Variants in SH3RF2 observed in about 807,000 individuals in gnomAD.
SH3RF2 encodes SH3 domain containing ring finger 2, also known as E3 ubiquitin-protein ligase SH3RF2.
In SH3RF2, 43 loss-of-function variants were observed where a neutral mutation model predicts 59.0. The observed-to-expected ratio is 0.73, with a 90% CI of 0.57 to 0.94. SH3RF2 has a LOEUF of 0.94. Ranked by LOEUF, SH3RF2 falls within the 40% of genes least tolerant of loss-of-function variation. SH3RF2 has a pLI of 0.00. For synonymous variants in SH3RF2, 391 were observed against 391.5 expected (o/e 1.00, Z 0.01); for missense variants, 930 against 940.1 (o/e 0.99, Z 0.14).
intron 5 of SH3RF2, among the ~76,000 whole-genome samples, chr5:146,037,317 C>T (rs904586864): frequency 6.6e-6 from 1 of 152,134 alleles, no homozygotes; most frequent in Non-Finnish European, 1.5e-5. Flanking sequence ...AGCTCAAACC[C>T]ACATCAGACA....
At chr5:145,970,971 G>C (rs562546811) in intron 2 of SH3RF2, among the ~76,000 whole-genome samples, 1 of 152,256 alleles carries the variant, frequency 6.6e-6, no homozygotes, top group African/African-American at 2.4e-5. Context: ...ATGAAACTTT[G>C]AGTCATTTGG....
chr5:146,001,168 C>T (rs1205341894), intron 3 of SH3RF2, among the ~76,000 whole-genome samples: 1 of 152,182 alleles, frequency 6.6e-6, no homozygotes, highest in Non-Finnish European at 1.5e-5. Flanking sequence ...CAATTAATGA[C>T]AGTTGTACTA....
intron 7 of SH3RF2, among the ~76,000 whole-genome samples, chr5:146,055,365 G>A (rs1449228486): frequency 6.6e-6 from 1 of 152,172 alleles, no homozygotes; most frequent in Non-Finnish European, 1.5e-5. Context: ...CTAGCTTAGA[G>A]GACTATTGTA....
rs1158788041 is a variant in SH3RF2, at chr5:146,000,341, T to G, written c.648+14T>G. 1 of 1,609,888 alleles carries G rather than the reference T, an allele frequency of 6.2e-7. No individual in the cohort carries two copies. Among genetic ancestry groups the G allele is most frequent in the Non-Finnish European group, 8.5e-7 (1 of 1,178,744 alleles). ...ACCTTCCTCAAGGTAGGATTCTGGGTGGCCACCAGAGTCACCTGGGACCAC... is the reference window on the plus strand; with the variant it reads ...ACCTTCCTCAAGGTAGGATTCTGGGGGGCCACCAGAGTCACCTGGGACCAC... On this transcript the variant is annotated intron_variant, in intron 3 of 9. Coordinates refer to ENST00000359120, the MANE Select transcript of SH3RF2 (RefSeq NM_152550.4).
At position 145,947,153 on chromosome 5, in the gene SH3RF2, C is replaced by CATATATAT. The variant is rs10630349; in HGVS notation, c.378+8858_378+8865dup. 4.8e-5 allele frequency among the ~76,000 whole-genome samples: 7 copies of CATATATAT among 145,814 alleles called. No homozygotes were observed. The South Asian group carries it at 1.5e-3, about 32-fold the overall frequency. On this transcript the variant is annotated intron_variant, in intron 2 of 9. Transcript: ENST00000359120. Reference sequence around the variant, plus strand: ...AATAACTTTCCATTCTGTCCTCTCCCATATATATATATATATATTTAAAAT... The same window carrying CATATATAT: ...AATAACTTTCCATTCTGTCCTCTCCCATATATATATATATATATATATATATTTAAAAT...
At chr5:145,986,872 C>T (rs1187466496) in intron 2 of SH3RF2, among the ~76,000 whole-genome samples, 1 of 152,158 alleles carries the variant, frequency 6.6e-6, no homozygotes. Context: ...CTTTCTCTGC[C>T]CAGGTGATGT....
At chr5:145,937,525 C>T (rs1157309473) in intron 1 of SH3RF2, among the ~76,000 whole-genome samples, 2 of 152,142 alleles carry the variant, frequency 1.3e-5, no homozygotes, top group Non-Finnish European at 2.9e-5. Flanking sequence ...CCTCTTCCCG[C>T]CCTGGCTGGT....
intron 5 of SH3RF2, among the ~76,000 whole-genome samples, chr5:146,031,229 C>G (rs1761732002): frequency 6.6e-6 from 1 of 152,166 alleles, no homozygotes; most frequent in African/African-American, 2.4e-5. Flanking sequence ...TGGAATTTAC[C>G]TAAGCGTACC....
intron 5 of SH3RF2, among the ~76,000 whole-genome samples, chr5:146,042,869 G>A (rs939461759): frequency 6.6e-6 from 1 of 152,108 alleles, no homozygotes; most frequent in Non-Finnish European, 1.5e-5. Flanking sequence ...CACCACACCC[G>A]CACACCCTTA....
In SH3RF2 at chr5:146,060,023, G is replaced by A. The variant is rs961530102; in HGVS notation, c.1713G>A (p.Gly571=). The A allele has an allele frequency of 5.6e-6, 9 of 1,610,150 alleles. No homozygotes were observed. The highest frequency in any genetic ancestry group is 6.8e-6 in the Non-Finnish European group (8 of 1,178,116). The change falls in exon 9 of 10, where the codon GGG becomes GGA. Residue 571 remains glycine (G), a synonymous_variant. Transcript: ENST00000359120. The stretch of plus-strand genomic sequence containing the variant: ...CCTCAGCCGTGGTGGTGGAGATGGG[G>A]TCCAAGCCTGCCCTCACGGGGGAGC... ...SSPSAVVVEM[G]SKPALTGEPA...
chr5:146,080,613 C>T (rs968919931), exon 10 of SH3RF2: 1 of 152,130 alleles, frequency 6.6e-6, no homozygotes, highest in Admixed American at 6.5e-5. Flanking sequence ...CAACTTATTT[C>T]CTTAGTATAT....
At chr5:146,003,599 T>G (rs1219526433) in intron 3 of SH3RF2, among the ~76,000 whole-genome samples, 1 of 152,244 alleles carries the variant, frequency 6.6e-6, no homozygotes, top group Non-Finnish European at 1.5e-5. Context: ...ACATATAACC[T>G]TTTATAGTAA....
At chr5:146,028,619 G>A (rs1295609592) in intron 5 of SH3RF2, among the ~76,000 whole-genome samples, 5 of 152,172 alleles carry the variant, frequency 3.3e-5, no homozygotes, top group Admixed American at 3.3e-4. Context: ...CCACCCACCT[G>A]TGGCAACAAC....
chr5:146,064,766 G>A (rs28722586), downstream of SH3RF2, among the ~76,000 whole-genome samples: 96 of 32,012 alleles, frequency 3.0e-3, 4 homozygotes, highest in African/African-American at 7.5e-3. Flanking sequence ...AAGGAAGGAA[G>A]GAAGGAAGGA....
chr5:145,956,913 T>C (rs780020344), intron 2 of SH3RF2, among the ~76,000 whole-genome samples: 4 of 152,224 alleles, frequency 2.6e-5, no homozygotes, highest in Non-Finnish European at 5.9e-5. Flanking sequence ...CTCCAGATCT[T>C]ACTGGAGAAG....
At chr5:145,983,121 G>A (rs1288085330) in intron 2 of SH3RF2, among the ~76,000 whole-genome samples, 1 of 152,174 alleles carries the variant, frequency 6.6e-6, no homozygotes, top group Admixed American at 6.5e-5. Context: ...TTTGGAGCCA[G>A]CTTCTACCAG....
intron 2 of SH3RF2, among the ~76,000 whole-genome samples, chr5:145,986,434 A>G (rs1561724634): frequency 1.3e-5 from 2 of 152,112 alleles, no homozygotes; most frequent in Non-Finnish European, 2.9e-5. Context: ...TGCCACACCT[A>G]TTGGAAAAGC....
chr5:145,945,369 T>A (rs1757971333), intron 2 of SH3RF2, among the ~76,000 whole-genome samples: 1 of 152,172 alleles, frequency 6.6e-6, no homozygotes, highest in South Asian at 2.1e-4. Flanking sequence ...AACATCAAAG[T>A]AGACACTTAA....
chr5:146,064,612 AGAGG>A (rs1435199103), downstream of SH3RF2, among the ~76,000 whole-genome samples: 20 of 103,656 alleles, frequency 1.9e-4, 3 homozygotes, highest in South Asian at 7.3e-4. Context: ...AGAGAGAGAG[AGAGG>A]GAGAGAGAGA....
Sources: allele counts gnomAD v4.1 joint callset (sites outside exome capture counted in the v4.1 genomes callset), GRCh38; gene constraint gnomAD v4.1.1; transcripts MANE v1.5; gene names NCBI Gene and HGNC (gene_info 2026-07-23, HGNC 2026-07-21).